MTURN: variants seen among roughly 807,000 people sequenced by gnomAD.
MTURN encodes maturin.
A neutral mutation model predicts 14.9 loss-of-function variants in MTURN; 7 were observed. The observed-to-expected ratio is 0.47, with a 90% CI of 0.27 to 0.88. MTURN has a LOEUF of 0.88. Among genes scored for constraint, MTURN ranks in the 40% least tolerant of loss-of-function variants. MTURN has a pLI of 0.14. For synonymous variants in MTURN, 69 were observed against 72.5 expected (o/e 0.95, Z 0.25); for missense variants, 151 against 174.1 (o/e 0.87, Z 0.75).
rs1465792138 is a variant in MTURN at position 30,162,496 on chromosome 7, T to C, written c.*4948T>C. ...TGGGTTTTTGTTTTTTGGTTGTTGT[T>C]TTTTTTTTTTTTTAGGCAAGAAGTG... On this transcript the variant is annotated 3_prime_UTR_variant, in exon 3 of 3. Coordinates refer to ENST00000324453, the MANE Select transcript of MTURN (RefSeq NM_152793.3). The C allele has an allele frequency of 9.9e-6, 1 of 101,470 alleles. No individual in the cohort carries two copies. The highest frequency in any genetic ancestry group is 5.4e-5 in the African/African-American group (1 of 18,608). The allele number at this position is 101,470 out of a possible 1,614,324, so 6.3% of individuals were successfully genotyped here.
At chr7:30,140,394 G>GGTGTGTGTGT (rs749509362) in intron 1 of MTURN, among the ~76,000 whole-genome samples, 1 of 36,270 alleles carries the variant, frequency 2.8e-5, no homozygotes, top group Non-Finnish European at 8.1e-5. Flanking sequence ...TTTGTAGAGG[G>GGTGTGTGTGT]GTGTGTGTGT....
At position 30,146,532 on chromosome 7, in the gene MTURN, G is replaced by T. The variant is rs1797132920; in HGVS notation, c.285+233G>T. ...ATGATGGTTATTTCTAGCATCACTT[G>T]AGTTGAGAATCCCTGATGGGGGGGG... On this transcript the variant is annotated intron_variant, in intron 2 of 2. Coordinates refer to ENST00000324453, the MANE Select transcript of MTURN (RefSeq NM_152793.3). 2.0e-5 allele frequency among the ~76,000 whole-genome samples: 3 copies of T among 151,338 alleles called. No individual in the cohort carries two copies. In the South Asian group the frequency reaches 6.2e-4, roughly 31 times the overall value.
intron 1 of MTURN, among the ~76,000 whole-genome samples, chr7:30,142,765 C>T (rs1797070641): frequency 6.6e-6 from 1 of 152,174 alleles, no homozygotes; most frequent in Non-Finnish European, 1.5e-5. Context: ...AGGCATTTCT[C>T]CTTTAGTCCA....
chr7:30,136,083 C>G (rs1474205130), intron 1 of MTURN, among the ~76,000 whole-genome samples: 3 of 152,152 alleles, frequency 2.0e-5, no homozygotes, highest in Non-Finnish European at 4.4e-5. Flanking sequence ...CTGAGCTGCC[C>G]GAGAGGTGTG....
rs1797337606 is a variant in MTURN, at chr7:30,159,503, G to A, written c.*1955G>A. ...TTTATGTATGTTTGGAAATGGAATG[G>A]ACATTAACATAAAATGTATTTTATC... On this transcript the variant is annotated 3_prime_UTR_variant, in exon 3 of 3. Transcript: ENST00000324453. 6.6e-6 allele frequency: 1 copy of A among 152,596 alleles called. No individual in the cohort carries two copies. The highest frequency in any genetic ancestry group is 2.4e-5 in the African/African-American group (1 of 41,408). 9.5% of individuals were successfully genotyped at this position (152,596 alleles called of 1,614,324 possible).
intron 1 of MTURN, among the ~76,000 whole-genome samples, chr7:30,144,802 T>C (rs1797104486): frequency 6.6e-6 from 1 of 152,148 alleles, no homozygotes; most frequent in African/African-American, 2.4e-5. Flanking sequence ...TATTGAGTGA[T>C]AGGGATATGG....
rs960398071 is a variant in MTURN at position 30,158,608 on chromosome 7, C to T, written c.*1060C>T. On this transcript the variant is annotated 3_prime_UTR_variant, in exon 3 of 3. Coordinates refer to ENST00000324453, the MANE Select transcript of MTURN (RefSeq NM_152793.3). The stretch of plus-strand genomic sequence containing the variant: ...ATTGTGGTGTATTTGTAAAGGGACA[C>T]GAAGGTAGGAATCTTTTAATCGTGG... 3 of 151,892 alleles carry T rather than the reference C, an allele frequency of 2.0e-5. No individual in the cohort carries two copies. Among genetic ancestry groups the T allele is most frequent in the East Asian group, 1.9e-4 (1 of 5,184 alleles). 9.4% of individuals were successfully genotyped at this position (151,892 alleles called of 1,614,324 possible).
intron 2 of MTURN, among the ~76,000 whole-genome samples, chr7:30,146,846 GGCTA>G (rs1797137859): frequency 6.6e-6 from 1 of 152,114 alleles, no homozygotes; most frequent in Non-Finnish European, 1.5e-5. Context: ...GTATTTCTGT[GGCTA>G]GCTGACAGTC....
At chr7:30,152,528 A>G (rs1797228073) in intron 2 of MTURN, among the ~76,000 whole-genome samples, 3 of 152,200 alleles carry the variant, frequency 2.0e-5, no homozygotes, top group Admixed American at 1.3e-4. Flanking sequence ...TGAGCACATT[A>G]TCCACACCTA....
intron 1 of MTURN, among the ~76,000 whole-genome samples, chr7:30,137,032 A>G (rs1796974554): frequency 1.3e-5 from 2 of 152,170 alleles, no homozygotes; most frequent in Admixed American, 6.5e-5. Context: ...AGCCCATCTT[A>G]ACTGTAGGTA....
intron 2 of MTURN, among the ~76,000 whole-genome samples, chr7:30,153,360 TCA>T (rs1252783024): frequency 6.6e-6 from 1 of 152,216 alleles, no homozygotes; most frequent in East Asian, 1.9e-4. Context: ...TTGTCCCTCC[TCA>T]CAAATTTAGA....
chr7:30,149,961 A>G (rs1797184283), intron 2 of MTURN, among the ~76,000 whole-genome samples: 1 of 152,186 alleles, frequency 6.6e-6, no homozygotes, highest in African/African-American at 2.4e-5. Flanking sequence ...GTCATCTCTT[A>G]ACCCAATTAT....
rs1257735660 is a variant in MTURN, at chr7:30,157,871, A to G, written c.*323A>G. ...GGAGAATTAACATTCGCTGACTCGA[A>G]TGTAGAGAACTCTGAATGTATTAAG... On this transcript the variant is annotated 3_prime_UTR_variant, in exon 3 of 3. Transcript: ENST00000324453. 5.9e-6 allele frequency: 1 copy of G among 170,050 alleles called. No homozygotes were observed. The highest frequency in any genetic ancestry group is 2.4e-5 in the African/African-American group (1 of 41,798). 10.5% of individuals were successfully genotyped at this position (170,050 alleles called of 1,614,324 possible). A position where few individuals can be genotyped will look rare whatever the true frequency, so the allele number is the denominator to read the frequency against.
chr7:30,139,335 T>C (rs751422642), intron 1 of MTURN, among the ~76,000 whole-genome samples: 3 of 152,196 alleles, frequency 2.0e-5, no homozygotes, highest in Non-Finnish European at 4.4e-5. Flanking sequence ...ATATAATCTC[T>C]ATAATTATCT....
Position 30,146,247 on chromosome 7 carries a change from G to T in MTURN, c.233G>T (p.Gly78Val). 6.2e-7 allele frequency: 1 copy of T among 1,614,106 alleles called. No homozygotes were observed. The highest frequency in any genetic ancestry group is 8.5e-7 in the Non-Finnish European group (1 of 1,180,040). ...GCACAGGATTACATCTCCTCCTGCG[G>T]CAAGAAGACGCTCCACGAAGTCCTG... is the stretch of plus-strand genomic sequence containing the variant. ...QLAQDYISSC[G>V]KKTLHEVLEK... The change falls in exon 2 of 3, where the codon GGC becomes GTC. Residue 78 changes from glycine to valine, a missense_variant. Physicochemically the swap from Gly to Val is moderately radical, Grantham distance 109. Transcript: ENST00000324453.
In MTURN at chr7:30,135,278, A is replaced by T. The variant is rs1796927603; in HGVS notation, c.142A>T (p.Asn48Tyr). 6.5e-7 allele frequency: 1 copy of T among 1,526,768 alleles called. No individual in the cohort carries two copies. Among genetic ancestry groups the T allele is most frequent in the Non-Finnish European group, 8.8e-7 (1 of 1,136,474 alleles). 94.6% of individuals were successfully genotyped at this position (1,526,768 alleles called of 1,614,324 possible). The change falls in exon 1 of 3, where the codon AAC (asparagine) becomes TAC (tyrosine). Residue 48 changes from asparagine to tyrosine, a missense_variant. Asn to Tyr is a moderately radical substitution (Grantham distance 143). Coordinates refer to ENST00000324453, the MANE Select transcript of MTURN (RefSeq NM_152793.3). ...CTCCTTCTATGTGCTGTGTCCGGAC[A>T]ACGGCTGCGGCGACAATTTTGTGAG... The part of the protein sequence containing the change: ...GVSFYVLCPD[N>Y]GCGDNFHVWS...
intron 1 of MTURN, chr7:30,137,735 TTAGTTCTTTTCTTTTTCCCTGGAAAA>T: frequency 2.2e-6 from 1 of 458,888 alleles, no homozygotes; most frequent in South Asian, 1.6e-5. Context: ...GTGTCCTGCC[TTAGTTCTTTTCTTTTTCCCTGGAAAA>T]TGTATTAAGC....
chr7:30,140,820 C>T (rs998810952), intron 1 of MTURN: 2 of 152,252 alleles, frequency 1.3e-5, no homozygotes, highest in South Asian at 2.1e-4. Context: ...TGGGCATAAT[C>T]GCTTATTGGG....
chr7:30,155,208 G>A lies in MTURN; in HGVS notation c.286-2230G>A, dbSNP rs560346831. 5.5e-4 allele frequency among the ~76,000 whole-genome samples: 84 copies of A among 152,302 alleles called. 1 individual carries two copies. The highest frequency in any genetic ancestry group is 4.2e-4 in the South Asian group (2 of 4,816). The stretch of plus-strand genomic sequence containing the variant: ...CAGGCAGCCACTCCCTGTCAGGTCT[G>A]TTAAGTGAGAGGGAACCAACTGGTC... On this transcript the variant is annotated intron_variant, in intron 2 of 2. Transcript: ENST00000324453.
Sources: gnomAD v4.1 joint callset for allele counts (sites outside exome capture counted in the v4.1 genomes callset) on GRCh38, gnomAD v4.1.1 for gene constraint, MANE v1.5 for transcripts, NCBI Gene and HGNC (gene_info 2026-07-23, HGNC 2026-07-21) for gene names.